ANKDD1A: variants seen among roughly 807,000 people sequenced by gnomAD.
ANKDD1A encodes ankyrin repeat and death domain-containing protein 1A.
A neutral mutation model predicts 63.5 loss-of-function variants in ANKDD1A; 59 were observed. That is an observed-to-expected ratio of 0.93 (90% CI 0.75 to 1.15). The LOEUF (loss-of-function observed/expected upper bound fraction) is 1.15. ANKDD1A is among the 50% of genes most tolerant of loss of function. The probability of loss-of-function intolerance (pLI) is 0.00; values close to 1 mark genes in which losing one functional copy is unlikely to be tolerated. For synonymous variants in ANKDD1A, 266 were observed against 263.9 expected, an observed-to-expected ratio of 1.01 and a Z score of -0.08; for missense variants, 632 against 656.4, an observed-to-expected ratio of 0.96 and a Z score of 0.41.
chr15:64,953,885 T>C (rs1566918055), intron 14 of ANKDD1A, among the ~76,000 whole-genome samples: 1 of 140,738 alleles, frequency 7.1e-6, no homozygotes, highest in African/African-American at 2.6e-5. Context: ...CATTCTTTCT[T>C]CTTCCTCTTT....
At chr15:64,921,848 A>G (rs2085008783) in intron 3 of ANKDD1A, 73 bp from the exon 4 acceptor site, 5 of 1,330,616 alleles carry the variant, frequency 3.8e-6, no homozygotes, top group Admixed American at 1.7e-5. Context: ...GTTTAGTCAT[A>G]AGGCACAGGG....
chr15:64,954,041 TCTTCTTCTTTTCTC>T (rs1237432807), intron 14 of ANKDD1A, among the ~76,000 whole-genome samples: 3 of 95,342 alleles, frequency 3.1e-5, no homozygotes, highest in African/African-American at 1.2e-4. Flanking sequence ...TTCTTCTTCC[TCTTCTTCTTTTCTC>T]CTTCTTCTTT....
chr15:64,922,070 T>C (rs747634110), intron 4 of ANKDD1A, 51 bp downstream of exon 4: 2 of 1,555,042 alleles, frequency 1.3e-6, no homozygotes, highest in South Asian at 2.3e-5. Context: ...CTGGCCTGGA[T>C]GCACAGGTCT....
At chr15:64,935,660 G>C (rs569034519) in intron 9 of ANKDD1A, among the ~76,000 whole-genome samples, 1 of 151,978 alleles carries the variant, frequency 6.6e-6, no homozygotes, top group African/African-American at 2.4e-5. Flanking sequence ...GGGCGACAGA[G>C]CAAGACTCCG....
In ANKDD1A at chr15:64,917,437, G is replaced by A. The variant is rs756245291; in HGVS notation, c.190G>A (p.Val64Met). 5 of 1,610,414 alleles carry A rather than the reference G, an allele frequency of 3.1e-6. No individual in the cohort carries two copies. The African/African-American group carries it at 4.0e-5, about 13-fold the overall frequency. ...TGCAGGTGCAGGGCACGAGCAGGCTGTGCGTCTGCTTCTGGAGCACGAGGC... is the reference window on the plus strand; with the variant it reads ...TGCAGGTGCAGGGCACGAGCAGGCTATGCGTCTGCTTCTGGAGCACGAGGC... Reference protein sequence around the residue: ...WAAGAGHEQAVRLLLEHEAAV... With the variant: ...WAAGAGHEQAMRLLLEHEAAV... Residue 64 changes from valine (V) to methionine (M), a missense_variant, in exon 3 of 15, where the codon GTG becomes ATG. Coordinates refer to ENST00000319580, the MANE Select transcript of ANKDD1A (RefSeq NM_182703.6).
intron 5 of ANKDD1A, 105 bp from the exon 6 acceptor site, chr15:64,926,796 C>A: frequency 8.4e-7 from 1 of 1,185,472 alleles, no homozygotes; most frequent in Non-Finnish European, 1.2e-6. Flanking sequence ...GCAGGAGAGG[C>A]CACTACAAAG....
At chr15:64,956,624 T>G (rs1413061551) in intron 14 of ANKDD1A, among the ~76,000 whole-genome samples, 1 of 152,178 alleles carries the variant, frequency 6.6e-6, no homozygotes, top group Non-Finnish European at 1.5e-5. Flanking sequence ...GGTGTGATCT[T>G]GGCTCACTGC....
chr15:64,912,491 G>A (rs1307740683), intron 1 of ANKDD1A, among the ~76,000 whole-genome samples: 1 of 152,208 alleles, frequency 6.6e-6, no homozygotes, highest in Non-Finnish European at 1.5e-5. Context: ...CGCACTCAGA[G>A]GAGAGGAGCC....
At chr15:64,953,663 T>TTTCC (rs1555397895) in intron 14 of ANKDD1A, among the ~76,000 whole-genome samples, 1 of 135,444 alleles carries the variant, frequency 7.4e-6, no homozygotes, top group Admixed American at 7.7e-5. Flanking sequence ...CTTCTTTTCT[T>TTTCC]TCTTCTCCTT....
chr15:64,924,151 C>T (rs963770338), intron 4 of ANKDD1A, among the ~76,000 whole-genome samples: 3 of 152,240 alleles, frequency 2.0e-5, no homozygotes, highest in African/African-American at 7.2e-5. Context: ...GGGTCTCACT[C>T]ACATGTCTGG....
chr15:64,920,484 G>C (rs902280857), intron 3 of ANKDD1A, among the ~76,000 whole-genome samples: 1 of 152,206 alleles, frequency 6.6e-6, no homozygotes, highest in Admixed American at 6.5e-5. Flanking sequence ...TGACTGCGCA[G>C]GGATGTCTCG....
chr15:64,953,981 TATC>T lies in ANKDD1A; in HGVS notation c.1484-3121_1484-3119del, dbSNP rs1236676256. Among the ~76,000 whole-genome samples, 9 of 142,984 alleles carry T rather than the reference TATC, an allele frequency of 6.3e-5. No individual in the cohort carries two copies. In the East Asian group the frequency reaches 1.0e-3, roughly 16 times the overall value. The allele number at this position is 142,984 out of a possible 152,430, so 93.8% of individuals were successfully genotyped here. ...TTTCTTTTTTTCTTCTTTCTTCCTC[TATC>T]TTCTTCCTTTCTTTCCTTTCTTCTT... is the stretch of plus-strand genomic sequence containing the variant. On this transcript the variant is annotated intron_variant, in intron 14 of 14. Coordinates refer to ENST00000319580, the MANE Select transcript of ANKDD1A (RefSeq NM_182703.6).
At chr15:64,945,630 A>ATATATATATATATG (rs1188413566) in intron 12 of ANKDD1A, among the ~76,000 whole-genome samples, 19 of 46,154 alleles carry the variant, frequency 4.1e-4, no homozygotes, top group African/African-American at 6.6e-4. Flanking sequence ...ATATATATAT[A>ATATATATATATATG]TGAACTTTTT....
intron 8 of ANKDD1A, chr15:64,931,980 G>A (rs1309385772): frequency 1.2e-5 from 3 of 249,368 alleles, no homozygotes; most frequent in South Asian, 1.2e-4. Flanking sequence ...TGTAACCTCC[G>A]CCTCCTGGGT....
intron 14 of ANKDD1A, among the ~76,000 whole-genome samples, chr15:64,952,494 CGTCT>C (rs2085309829): frequency 8.2e-6 from 1 of 121,684 alleles, no homozygotes; most frequent in African/African-American, 3.2e-5. Context: ...CCTTCGTCAC[CGTCT>C]TCTCCTTCTT....
At chr15:64,939,160 A>C (rs2085160303) in intron 9 of ANKDD1A, among the ~76,000 whole-genome samples, 1 of 151,358 alleles carries the variant, frequency 6.6e-6, no homozygotes, top group Non-Finnish European at 1.5e-5. Context: ...TAGGCTAGGC[A>C]TGGTAGCTTG....
At chr15:64,925,901 G>A (rs577050173) in intron 4 of ANKDD1A, among the ~76,000 whole-genome samples, 165 bp from the exon 5 acceptor site, 101 of 152,242 alleles carry the variant, frequency 6.6e-4, no homozygotes, top group African/African-American at 2.4e-3. Context: ...AAGGCTAAGT[G>A]GGCAGCAGAG....
chr15:64,945,981 C>A (rs749965394), intron 12 of ANKDD1A, among the ~76,000 whole-genome samples: 3 of 152,048 alleles, frequency 2.0e-5, no homozygotes, highest in African/African-American at 4.8e-5. Flanking sequence ...TGAGGGGCAT[C>A]TGTGTTGAAT....
chr15:64,956,966 A>C lies in ANKDD1A; in HGVS notation c.1484-137A>C, dbSNP rs552521684. 60 of 362,340 alleles carry C rather than the reference A, an allele frequency of 1.7e-4. 1 individual carries two copies. The highest frequency in any genetic ancestry group is 3.1e-4 in the Non-Finnish European group (58 of 186,188). The allele number at this position is 362,340 out of a possible 1,614,324, so 22.4% of individuals were successfully genotyped here. A position where few individuals can be genotyped will look rare whatever the true frequency, so the allele number is the denominator to read the frequency against. ...CTTTACCTACCACTAAGTTATATTT[A>C]ATCAGCATTCTTTTGTTTCCTAACA... On this transcript the variant is annotated intron_variant, in intron 14 of 14. Transcript: ENST00000319580.
Sources: allele counts gnomAD v4.1 joint callset (sites outside exome capture counted in the v4.1 genomes callset), GRCh38; gene constraint gnomAD v4.1.1; transcripts MANE v1.5; gene names NCBI Gene and HGNC (gene_info 2026-07-23, HGNC 2026-07-21).